HDHD2: variants seen among roughly 807,000 people sequenced by gnomAD.
The protein encoded by HDHD2 is haloacid dehalogenase-like hydrolase domain-containing protein 2.
A neutral mutation model predicts 24.8 loss-of-function variants in HDHD2; 26 were observed. The observed-to-expected ratio is 1.05, with a 90% CI of 0.77 to 1.45. The LOEUF (loss-of-function observed/expected upper bound fraction) is 1.45, where lower values mean the gene tolerates loss of function less well. HDHD2 is among the 40% of genes most tolerant of loss of function. The probability of loss-of-function intolerance (pLI) is 0.00; values close to 1 mark genes in which losing one functional copy is unlikely to be tolerated. For missense variants in HDHD2, 299 were observed against 313.4 expected, an observed-to-expected ratio of 0.95 and a Z score of 0.35; for synonymous variants, 128 against 114.9, an observed-to-expected ratio of 1.11 and a Z score of -0.73.
intron 1 of HDHD2, among the ~76,000 whole-genome samples, chr18:47,145,626 C>T (rs1345944858): frequency 1.3e-5 from 2 of 152,046 alleles, no homozygotes; most frequent in African/African-American, 4.8e-5. Context: ...ATTTTCTTTT[C>T]CAAGGAGATT....
At chr18:47,111,486 GA>G (rs1175261756) in intron 6 of HDHD2, 2 of 985,012 alleles carry the variant, frequency 2.0e-6, no homozygotes, top group Non-Finnish European at 1.2e-6. Context: ...CAAAAGGCAG[GA>G]ATCTGAAAAC....
chr18:47,126,892 C>A (rs1329657835), intron 4 of HDHD2, among the ~76,000 whole-genome samples: 1 of 152,172 alleles, frequency 6.6e-6, no homozygotes, highest in Admixed American at 6.5e-5. Flanking sequence ...CAGCCAGGAG[C>A]AGTGGCTCAC....
At chr18:47,147,990 CTTTTT>C (rs11390608) in intron 1 of HDHD2, among the ~76,000 whole-genome samples, 7 of 137,996 alleles carry the variant, frequency 5.1e-5, no homozygotes, top group Admixed American at 7.2e-5. Flanking sequence ...TTTTTTCTTT[CTTTTT>C]TTTTTTTTTT....
intron 1 of HDHD2, among the ~76,000 whole-genome samples, chr18:47,148,769 T>C (rs1286194072): frequency 1.3e-5 from 2 of 152,246 alleles, no homozygotes; most frequent in African/African-American, 4.8e-5. Flanking sequence ...AAGTTGGAAA[T>C]CAACTCTCAT....
In HDHD2 at chr18:47,134,700, G is replaced by A. The variant is rs1451044265; in HGVS notation, c.106C>T (p.Arg36Cys). ...PGAQEALKRL[R>C]GASVIIRFVT... The stretch of plus-strand genomic sequence containing the variant: ...AACCTAATGATTACAGAAGCACCAC[G>A]TAACCTGGAGAGGGCCAAATTCAGA... The change falls in exon 3 of 7, where the codon CGT becomes TGT. Residue 36 changes from arginine to cysteine, a missense_variant. Physicochemically the swap from Arg to Cys is radical, Grantham distance 180 (BLOSUM62 -3). Coordinates refer to ENST00000300605, the MANE Select transcript of HDHD2 (RefSeq NM_032124.5). The A allele has an allele frequency of 5.0e-6, 8 of 1,613,222 alleles. No homozygotes were observed. Among genetic ancestry groups the A allele is most frequent in the East Asian group, 2.2e-5 (1 of 44,866 alleles).
chr18:47,119,083 C>T (rs780150241), intron 4 of HDHD2, among the ~76,000 whole-genome samples: 2 of 152,212 alleles, frequency 1.3e-5, no homozygotes, highest in Non-Finnish European at 2.9e-5. Flanking sequence ...AAAATGCTAA[C>T]AATCATCTGA....
At chr18:47,121,935 T>C (rs2063611055) in intron 4 of HDHD2, among the ~76,000 whole-genome samples, 1 of 152,226 alleles carries the variant, frequency 6.6e-6, no homozygotes, top group Non-Finnish European at 1.5e-5. Context: ...AGAAGTCATT[T>C]TTAATCTCTC....
At chr18:47,117,006 A>T (rs1599926694) in intron 4 of HDHD2, among the ~76,000 whole-genome samples, 1 of 152,172 alleles carries the variant, frequency 6.6e-6, no homozygotes, top group East Asian at 1.9e-4. Context: ...AACTGGTTCT[A>T]CACTAGGCTG....
intron 2 of HDHD2, among the ~76,000 whole-genome samples, chr18:47,135,258 CTTTTTTTT>C (rs904719955): frequency 2.3e-5 from 3 of 128,330 alleles, no homozygotes; most frequent in Non-Finnish European, 5.0e-5. Context: ...TAGATTTTTT[CTTTTTTTT>C]TTTTTTTTTT....
chr18:47,127,974 G>A (rs1400479972), intron 4 of HDHD2, among the ~76,000 whole-genome samples: 3 of 152,242 alleles, frequency 2.0e-5, no homozygotes, highest in East Asian at 3.9e-4. Context: ...GTTCATTTAA[G>A]ATGTCTGTAT....
intron 1 of HDHD2, among the ~76,000 whole-genome samples, chr18:47,149,485 G>A (rs2063907761): frequency 6.6e-6 from 1 of 152,136 alleles, no homozygotes; most frequent in Non-Finnish European, 1.5e-5. Context: ...TCTGGATAAA[G>A]TCTGAACAAT....
chr18:47,120,779 T>C (rs760513549), intron 4 of HDHD2, among the ~76,000 whole-genome samples: 12 of 152,184 alleles, frequency 7.9e-5, no homozygotes, highest in Admixed American at 3.9e-4. Context: ...GGGTTATCAA[T>C]TGGCCTAATC....
At chr18:47,143,173 C>A (rs1225388390) in intron 1 of HDHD2, among the ~76,000 whole-genome samples, 1 of 152,108 alleles carries the variant, frequency 6.6e-6, no homozygotes, top group Non-Finnish European at 1.5e-5. Flanking sequence ...GATTGTTGGC[C>A]AGGTACAGTG....
chr18:47,137,731 A>G (rs2063779467), intron 1 of HDHD2, among the ~76,000 whole-genome samples: 2 of 152,188 alleles, frequency 1.3e-5, no homozygotes, highest in South Asian at 2.1e-4. Flanking sequence ...TCAATGTAAA[A>G]CCAAAGACAA....
intron 4 of HDHD2, among the ~76,000 whole-genome samples, chr18:47,127,239 T>A (rs80030931): frequency 6.6e-6 from 1 of 152,126 alleles, no homozygotes; most frequent in African/African-American, 2.4e-5. Flanking sequence ...ATAGAGTATA[T>A]TGTAGGAATT....
At chr18:47,147,807 T>C (rs2144401157) in intron 1 of HDHD2, among the ~76,000 whole-genome samples, 1 of 152,268 alleles carries the variant, frequency 6.6e-6, no homozygotes, top group Non-Finnish European at 1.5e-5. Context: ...AGAACGTACC[T>C]TTTAAACTCT....
chr18:47,122,945 T>C (rs975077051), intron 4 of HDHD2, among the ~76,000 whole-genome samples: 1 of 152,152 alleles, frequency 6.6e-6, no homozygotes, highest in Non-Finnish European at 1.5e-5. Context: ...CTTACTGACC[T>C]AGTAAGAAAT....
At position 47,139,472 on chromosome 18, in the gene HDHD2, A is replaced by C. The variant is rs1056441351; in HGVS notation, c.-10-3023T>G. 2.7e-5 allele frequency among the ~76,000 whole-genome samples: 4 copies of C among 150,894 alleles called. No homozygotes were observed. The South Asian group carries it at 8.4e-4, about 32-fold the overall frequency. On this transcript the variant is annotated intron_variant, in intron 1 of 6. Coordinates refer to ENST00000300605, the MANE Select transcript of HDHD2 (RefSeq NM_032124.5). ...AGAGCGAGACTCTGTCTCAAAAAAA[A>C]AAAAAAAAAAAAAAAAAAAATCCTT...
At chr18:47,110,030 T>A in intron 6 of HDHD2, 1 of 985,410 alleles carries the variant, frequency 1.0e-6, no homozygotes, top group Non-Finnish European at 1.2e-6. Flanking sequence ...CAGGGCTGCC[T>A]CTGCCCTTCA....
Sources: allele counts gnomAD v4.1 joint callset (sites outside exome capture counted in the v4.1 genomes callset), GRCh38; gene constraint gnomAD v4.1.1; transcripts MANE v1.5; gene names NCBI Gene and HGNC (gene_info 2026-07-23, HGNC 2026-07-21).